Variants in ZDHHC17 observed in about 807,000 individuals in gnomAD.
ZDHHC17 encodes the protein zDHHC palmitoyltransferase 17.
Under a neutral mutation model 90.3 loss-of-function variants are expected in ZDHHC17, and 40 were observed. That is an observed-to-expected ratio of 0.44 (90% CI 0.34 to 0.58). The LOEUF is 0.58. ZDHHC17 is among the 20% of genes least tolerant of loss of function. ZDHHC17 has a pLI of 0.01. For missense variants in ZDHHC17, 614 were observed against 780.8 expected (o/e 0.79, Z 2.55); for synonymous variants, 235 against 252.4 (o/e 0.93, Z 0.65).
chr12:76,796,643 A>G (rs1402931779), intron 1 of ZDHHC17, among the ~76,000 whole-genome samples: 2 of 152,210 alleles, frequency 1.3e-5, no homozygotes, highest in East Asian at 1.9e-4. Context: ...TCAGAGCATG[A>G]AGAAGTTTAG....
intron 10 of ZDHHC17, among the ~76,000 whole-genome samples, chr12:76,836,415 A>G (rs1953363793): frequency 6.6e-6 from 1 of 151,532 alleles, no homozygotes; most frequent in South Asian, 2.1e-4. Flanking sequence ...TGTTTTTTTA[A>G]ACTCAGCTGC....
chr12:76,793,287 G>A (rs540427503), intron 1 of ZDHHC17, among the ~76,000 whole-genome samples: 3 of 152,256 alleles, frequency 2.0e-5, no homozygotes, highest in South Asian at 2.1e-4. Context: ...TTGGGAGGCC[G>A]AAGTGGTAGA....
At chr12:76,835,218 T>G (rs1953349291) in intron 10 of ZDHHC17, among the ~76,000 whole-genome samples, 1 of 151,468 alleles carries the variant, frequency 6.6e-6, no homozygotes, top group Non-Finnish European at 1.5e-5. Flanking sequence ...GCCTGGCTAA[T>G]TTTTGTATTT....
intron 1 of ZDHHC17, among the ~76,000 whole-genome samples, chr12:76,779,391 G>C (rs1011574729): frequency 2.0e-5 from 3 of 152,154 alleles, no homozygotes; most frequent in Non-Finnish European, 2.9e-5. Flanking sequence ...TCACAATCAT[G>C]GCAGAAGGCA....
At chr12:76,809,438 G>A (rs982119111) in intron 4 of ZDHHC17, among the ~76,000 whole-genome samples, 4 of 151,912 alleles carry the variant, frequency 2.6e-5, no homozygotes, top group Non-Finnish European at 4.4e-5. Flanking sequence ...GGATGATTGA[G>A]ATAATATTAG....
At chr12:76,765,486 A>G (rs1272616766) in intron 1 of ZDHHC17, among the ~76,000 whole-genome samples, 2 of 152,208 alleles carry the variant, frequency 1.3e-5, no homozygotes, top group Admixed American at 1.3e-4. Context: ...TGATAAACAG[A>G]ACTATACAGT....
chr12:76,782,664 G>T (rs1952640576), intron 1 of ZDHHC17, among the ~76,000 whole-genome samples: 1 of 152,142 alleles, frequency 6.6e-6, no homozygotes, highest in African/African-American at 2.4e-5. Flanking sequence ...TGTCTCGTTT[G>T]TACCAGAGAA....
intron 1 of ZDHHC17, among the ~76,000 whole-genome samples, chr12:76,767,860 A>G (rs1952449721): frequency 6.6e-6 from 1 of 152,092 alleles, no homozygotes; most frequent in Non-Finnish European, 1.5e-5. Context: ...TGGAGGTTGC[A>G]GTGAGCCGAG....
chr12:76,795,073 T>C (rs1463208143), intron 1 of ZDHHC17, among the ~76,000 whole-genome samples: 1 of 152,240 alleles, frequency 6.6e-6, no homozygotes, highest in Non-Finnish European at 1.5e-5. Context: ...CTTTCCATTC[T>C]GGATTGGAAG....
chr12:76,809,667 T>A (rs1323998988), intron 4 of ZDHHC17, 46 bp from the exon 5 acceptor site: 1 of 1,351,768 alleles, frequency 7.4e-7, no homozygotes, highest in African/African-American at 1.5e-5. Flanking sequence ...AGGATCCTGT[T>A]TGAAATAACT....
chr12:76,810,047 G>C (rs1953001094), intron 5 of ZDHHC17, among the ~76,000 whole-genome samples, 190 bp downstream of exon 5: 1 of 152,168 alleles, frequency 6.6e-6, no homozygotes, highest in Non-Finnish European at 1.5e-5. Context: ...TGAAAATCAT[G>C]AACCAGATAA....
intron 7 of ZDHHC17, chr12:76,821,044 A>G (rs1306812819): frequency 1.6e-6 from 2 of 1,286,194 alleles, no homozygotes; most frequent in Non-Finnish European, 2.0e-6. Flanking sequence ...AGCTCCCTCA[A>G]TCTTTTTGTC....
Position 76,845,713 on chromosome 12 carries a change from G to A in ZDHHC17, c.1334G>A (p.Arg445Gln), listed in dbSNP as rs751699502. The A allele has an allele frequency of 5.0e-6, 8 of 1,597,204 alleles. No individual in the cohort carries two copies. The highest frequency in any genetic ancestry group is 2.7e-5 in the African/African-American group (2 of 74,240). The change falls in exon 13 of 17, where the codon CGA becomes CAA. Residue 445 changes from arginine to glutamine, a missense_variant. Arg to Gln is a conservative substitution (Grantham distance 43). Transcript: ENST00000426126. ...CTTTAACATGCCTATTAACAGATACGAAAACCGGTGAGGTCCAAACATTGT... is the reference window on the plus strand; with the variant it reads ...CTTTAACATGCCTATTAACAGATACAAAAACCGGTGAGGTCCAAACATTGT... ...LSIFCSTCLI[R>Q]KPVRSKHCGV...
chr12:76,846,538 T>C, intron 13 of ZDHHC17, 58 bp from the exon 14 acceptor site: 2 of 1,296,832 alleles, frequency 1.5e-6, no homozygotes, highest in South Asian at 1.2e-5. Context: ...CCCTCAAAGG[T>C]GCATTACCCG....
chr12:76,764,472 A>G, intron 1 of ZDHHC17, 143 bp downstream of exon 1: 1 of 758,538 alleles, frequency 1.3e-6, no homozygotes. Context: ...TCCAGGCCTG[A>G]GCGCGGCTGC....
chr12:76,786,410 C>T (rs1952687767), intron 1 of ZDHHC17, among the ~76,000 whole-genome samples: 1 of 152,144 alleles, frequency 6.6e-6, no homozygotes, highest in Non-Finnish European at 1.5e-5. Context: ...GCACCTGCCA[C>T]CATGCCTGGC....
intron 1 of ZDHHC17, among the ~76,000 whole-genome samples, chr12:76,772,068 C>G (rs965790017): frequency 3.3e-5 from 5 of 152,188 alleles, no homozygotes; most frequent in African/African-American, 1.2e-4. Flanking sequence ...TAGGCACTAT[C>G]CTAAACAATT....
In ZDHHC17 at chr12:76,848,463, A is replaced by G. The variant is rs1953522034; in HGVS notation, c.1665+73A>G. On this transcript the variant is annotated intron_variant, in intron 15 of 16. Coordinates refer to ENST00000426126, the MANE Select transcript of ZDHHC17 (RefSeq NM_015336.4). ...ATCCTTGCATAAAAGATAATAATAT[A>G]TTCTCTTCCTAACCACTCCTGCTCT... The G allele has an allele frequency of 1.2e-5, 17 of 1,466,030 alleles. No homozygotes were observed. The Middle Eastern group carries it at 1.4e-3, about 117-fold the overall frequency. 90.8% of individuals were successfully genotyped at this position (1,466,030 alleles called of 1,614,324 possible).
intron 8 of ZDHHC17, among the ~76,000 whole-genome samples, chr12:76,823,280 A>G (rs1156682693): frequency 6.6e-6 from 1 of 152,170 alleles, no homozygotes; most frequent in Non-Finnish European, 1.5e-5. Context: ...TGAGCTTTGC[A>G]TTCTTTTGTG....
Sources: allele counts gnomAD v4.1 joint callset (sites outside exome capture counted in the v4.1 genomes callset), GRCh38; gene constraint gnomAD v4.1.1; transcripts MANE v1.5; gene names NCBI Gene and HGNC (gene_info 2026-07-23, HGNC 2026-07-21).